The following ADARB2 variants were observed in gnomAD, a reference collection of about 807,000 sequenced individuals.
The protein encoded by ADARB2 is adenosine deaminase RNA specific B2 (inactive).
Under a neutral mutation model 62.2 loss-of-function variants are expected in ADARB2, and 25 were observed. The observed-to-expected ratio is 0.40, with a 90% CI of 0.29 to 0.56. The LOEUF (loss-of-function observed/expected upper bound fraction) is 0.56. Among genes scored for constraint, ADARB2 ranks in the 20% least tolerant of loss-of-function variants. The pLI is 0.43. For missense variants in ADARB2, 1,071 were observed against 1,077.4 expected (o/e 0.99, Z 0.08); for synonymous variants, 572 against 500.8 (o/e 1.14, Z -1.90).
At chr10:1,582,325 C>G (rs1588311411) in intron 1 of ADARB2, among the ~76,000 whole-genome samples, 1 of 152,088 alleles carries the variant, frequency 6.6e-6, no homozygotes, top group Non-Finnish European at 1.5e-5. Flanking sequence ...GTCTCAGGGC[C>G]CCTATCAGCA....
intron 3 of ADARB2, among the ~76,000 whole-genome samples, chr10:1,273,595 G>T (rs1331024824): frequency 6.6e-6 from 1 of 152,202 alleles, no homozygotes; most frequent in Admixed American, 6.5e-5. Flanking sequence ...GTCCGGCCCC[G>T]CCTGTGCCCC....
intron 1 of ADARB2, among the ~76,000 whole-genome samples, chr10:1,487,813 G>A (rs555711478): frequency 2.0e-5 from 3 of 152,314 alleles, no homozygotes; most frequent in Admixed American, 2.0e-4. Context: ...AAACAAAAGT[G>A]TGGTGGTAGC....
At chr10:1,280,153 C>T (rs187897205) in intron 3 of ADARB2, among the ~76,000 whole-genome samples, 3 of 152,306 alleles carry the variant, frequency 2.0e-5, no homozygotes, top group Admixed American at 1.3e-4. Context: ...CAGATCAGGA[C>T]CCCACTCTCA....
chr10:1,242,109 G>T, intron 5 of ADARB2, 22 bp downstream of exon 5: 1 of 1,582,874 alleles, frequency 6.3e-7, no homozygotes, highest in East Asian at 2.3e-5. Flanking sequence ...GCCTTCCCTG[G>T]AGCCCGTCCC....
intron 1 of ADARB2, among the ~76,000 whole-genome samples, chr10:1,629,469 C>T (rs542878588): frequency 4.6e-5 from 7 of 151,920 alleles, no homozygotes; most frequent in East Asian, 1.9e-4. Context: ...ACCCCGCCAG[C>T]GCCCAACCCC....
chr10:1,523,782 A>G (rs923204055), intron 1 of ADARB2, among the ~76,000 whole-genome samples: 3 of 152,228 alleles, frequency 2.0e-5, no homozygotes, highest in African/African-American at 7.2e-5. Flanking sequence ...CCATTATATC[A>G]GCACAAATCT....
At chr10:1,216,894 C>T (rs1830629236) in intron 7 of ADARB2, 57 bp downstream of exon 7, 6 of 1,577,212 alleles carry the variant, frequency 3.8e-6, no homozygotes, top group Non-Finnish European at 4.3e-6. Flanking sequence ...GAGCCTGGGG[C>T]TTGGCACTCC....
chr10:1,604,441 A>T (rs894581885), intron 1 of ADARB2, among the ~76,000 whole-genome samples: 4 of 152,230 alleles, frequency 2.6e-5, no homozygotes, highest in African/African-American at 4.8e-5. Flanking sequence ...GATTCGACCC[A>T]GATCCCTAGA....
At chr10:1,463,112 G>A (rs1831200323) in intron 1 of ADARB2, among the ~76,000 whole-genome samples, 1 of 152,168 alleles carries the variant, frequency 6.6e-6, no homozygotes, top group Admixed American at 6.5e-5. Flanking sequence ...TGGTGGGTTT[G>A]TGGGCCATTG....
rs376779057 is a variant in ADARB2 at position 1,435,791 on chromosome 10, T to C, written c.101-56631A>G. ...CAGGCAACGTGAGGCTGGAAGGATG[T>C]GGCCTCCGGGAAGGTTTTAGTCCAC... On this transcript the variant is annotated intron_variant, in intron 1 of 9. Transcript: ENST00000381312. Among the ~76,000 whole-genome samples the C allele has an allele frequency of 5.2e-3, 786 of 152,344 alleles. 7 individuals are homozygous for C. The highest frequency in any genetic ancestry group is 0.05 in the South Asian group (242 of 4,832).
intron 1 of ADARB2, among the ~76,000 whole-genome samples, chr10:1,379,715 T>C (rs1479590966): frequency 6.6e-6 from 1 of 152,110 alleles, no homozygotes; most frequent in African/African-American, 2.4e-5. Flanking sequence ...GCATGCACAG[T>C]CCTCCCGGAA....
Position 1,704,749 on chromosome 10 carries a change from C to G in ADARB2, c.100+32302G>C, listed in dbSNP as rs1391281758. Among the ~76,000 whole-genome samples, 1 of 152,138 alleles carries G rather than the reference C, an allele frequency of 6.6e-6. No homozygotes were observed. The highest frequency in any genetic ancestry group is 1.5e-5 in the Non-Finnish European group (1 of 68,042). ...ACAAAGAATAAATCTGATAGGGTCT[C>G]AGAGAGCCTGGAAGCACAGAATGAT... is the stretch of plus-strand genomic sequence containing the variant. On this transcript the variant is annotated intron_variant, in intron 1 of 9. Transcript: ENST00000381312. The surrounding 1 kb of genome is among the most constrained non-coding windows in gnomAD (Gnocchi z 5.6).
intron 3 of ADARB2, among the ~76,000 whole-genome samples, chr10:1,280,265 A>G (rs934675035): frequency 2.0e-5 from 3 of 152,206 alleles, no homozygotes; most frequent in Non-Finnish European, 2.9e-5. Flanking sequence ...GGACACAAAC[A>G]TTAGTTCCAT....
rs745987604 is a variant in ADARB2 at position 1,216,938 on chromosome 10, C to T, written c.1682+13G>A. 6.2e-7 allele frequency: 1 copy of T among 1,603,600 alleles called. No individual in the cohort carries two copies. Among genetic ancestry groups the T allele is most frequent in the Non-Finnish European group, 8.5e-7 (1 of 1,178,988 alleles). Reference sequence around the variant, plus strand: ...CGCAGCCAACATCCTCGAGAGGAAGCCGTGGGCCTCACCTGGCGATCTTGT... The same window carrying T: ...CGCAGCCAACATCCTCGAGAGGAAGTCGTGGGCCTCACCTGGCGATCTTGT... On this transcript the variant is annotated intron_variant, in intron 7 of 9. Coordinates refer to ENST00000381312, the MANE Select transcript of ADARB2 (RefSeq NM_018702.4).
chr10:1,671,202 ACAG>A (rs1834380721), intron 1 of ADARB2, among the ~76,000 whole-genome samples: 1 of 152,116 alleles, frequency 6.6e-6, no homozygotes, highest in African/African-American at 2.4e-5. Context: ...CCGGCAAGCC[ACAG>A]CGTCTGCTCT....
chr10:1,602,101 G>A (rs750265210), intron 1 of ADARB2, among the ~76,000 whole-genome samples: 2 of 152,124 alleles, frequency 1.3e-5, no homozygotes, highest in African/African-American at 2.4e-5. Flanking sequence ...TGAAGCTGGC[G>A]GGGAAGTCGC....
At chr10:1,445,291 T>C (rs1371304041) in intron 1 of ADARB2, among the ~76,000 whole-genome samples, 2 of 145,986 alleles carry the variant, frequency 1.4e-5, no homozygotes, top group Admixed American at 1.4e-4. Flanking sequence ...CCCACCCATC[T>C]ATTCATTCAC....
chr10:1,670,936 C>A lies in ADARB2; in HGVS notation c.100+66115G>T, dbSNP rs372689680. Among the ~76,000 whole-genome samples, 91 of 152,300 alleles carry A rather than the reference C, an allele frequency of 6.0e-4. 3 individuals are homozygous for A. In the South Asian group the frequency reaches 0.018, roughly 30 times the overall value. ...GGGGGCAGAACGTCAGCGCCACAGA[C>A]AAATGTGAATCAGGCTTATTACACA... On this transcript the variant is annotated intron_variant, in intron 1 of 9. Coordinates refer to ENST00000381312, the MANE Select transcript of ADARB2 (RefSeq NM_018702.4).
intron 1 of ADARB2, among the ~76,000 whole-genome samples, chr10:1,727,502 G>A (rs1323255880): frequency 1.3e-5 from 2 of 152,048 alleles, no homozygotes; most frequent in African/African-American, 4.8e-5. Flanking sequence ...TTACAAAAAC[G>A]CAATCAGTTT....
Sources: gnomAD v4.1 joint callset for allele counts (sites outside exome capture counted in the v4.1 genomes callset) on GRCh38, gnomAD v4.1.1 for gene constraint, Gnocchi (gnomAD v3.1) non-coding constraint, MANE v1.5 for transcripts, NCBI Gene and HGNC (gene_info 2026-07-23, HGNC 2026-07-21) for gene names.